Variants in IFT122 observed in about 807,000 individuals in gnomAD.
IFT122 encodes the protein intraflagellar transport 122.
In IFT122, 118 loss-of-function variants were observed where a neutral mutation model predicts 161.6. That is an observed-to-expected ratio of 0.73 (90% CI 0.63 to 0.85). IFT122 has a LOEUF of 0.85. Ranked by LOEUF, IFT122 falls within the 40% of genes least tolerant of loss-of-function variation. IFT122 has a pLI of 0.00. For missense variants in IFT122, 1,381 were observed against 1,579.6 expected, an observed-to-expected ratio of 0.87 and a Z score of 2.13; for synonymous variants, 550 against 602.4, an observed-to-expected ratio of 0.91 and a Z score of 1.27.
At chr3:129,488,012 A>AAGG (rs2079522779) in intron 15 of IFT122, 2 of 585,502 alleles carry the variant, frequency 3.4e-6, no homozygotes, top group South Asian at 3.8e-5. Context: ...TGTAGGTGGG[A>AAGG]AGGAGGGGAG....
intron 5 of IFT122, chr3:129,461,546 G>T (rs2076215753): frequency 1.9e-6 from 1 of 535,348 alleles, no homozygotes; most frequent in South Asian, 2.0e-5. Flanking sequence ...AAAGGAAATG[G>T]TAACAAGATT....
chr3:129,481,552 A>G lies in IFT122; in HGVS notation c.1511A>G (p.Asn504Ser), dbSNP rs755244741. ...NGQILKIFVD[N>S]LFAIVLLKQA... ...CAGATCCTGAAGATCTTCGTGGACA[A>G]TCTCTTTGCTATCGTCCTGCTGAAG... Residue 504 changes from asparagine (N) to serine (S), a missense_variant, in exon 14 of 30, where the codon AAT becomes AGT. By Grantham distance (46) the Asn-to-Ser change is conservative. This residue lies in a region of IFT122 where 544 missense variants were observed against 648.0 expected (regional missense o/e 0.84). Transcript: ENST00000348417. The G allele has an allele frequency of 3.2e-6, 5 of 1,586,140 alleles. No individual in the cohort carries two copies. Among genetic ancestry groups the G allele is most frequent in the Admixed American group, 1.7e-5 (1 of 59,952 alleles).
In IFT122 at chr3:129,514,797, C is replaced by G. The variant is rs190441762; in HGVS notation, c.3153+243C>G. ...GCCCCGGCCTCAGCCCTCAGCCTGG[C>G]CTCCCTTGCTCCTTGCCCTCCCCTA... On this transcript the variant is annotated intron_variant, in intron 25 of 29. Coordinates refer to ENST00000348417, the MANE Select transcript of IFT122 (RefSeq NM_052989.3). 6.6e-4 allele frequency: 400 copies of G among 608,786 alleles called. 2 individuals are homozygous for G. Among genetic ancestry groups the G allele is most frequent in the East Asian group, 2.9e-3 (101 of 34,434 alleles). The allele number at this position is 608,786 out of a possible 1,614,324, so 37.7% of individuals were successfully genotyped here.
At chr3:129,516,044 G>T (rs1324264833) in intron 26 of IFT122, among the ~76,000 whole-genome samples, 1 of 139,382 alleles carries the variant, frequency 7.2e-6, no homozygotes, top group Admixed American at 7.2e-5. Flanking sequence ...TACAGAAACT[G>T]CCCCTGCACA....
chr3:129,485,062 T>G (rs1387330822), intron 15 of IFT122, among the ~76,000 whole-genome samples: 7 of 152,252 alleles, frequency 4.6e-5, no homozygotes, highest in Non-Finnish European at 1.5e-5. Context: ...TATTGTGTCT[T>G]GTGGATGTTC....
In IFT122 at chr3:129,476,754, A is replaced by G; in HGVS notation, c.1100A>G (p.Asp367Gly). The change falls in exon 11 of 30, where the codon GAT (aspartate) becomes GGT (glycine). Residue 367 changes from aspartate (D) to glycine (G), a missense_variant. Transcript: ENST00000348417. ...TACAAGGACCGCTATGCCTACAGGGATAGCATGACTGACGTCATTGTGCAG... is the reference window on the plus strand; with the variant it reads ...TACAAGGACCGCTATGCCTACAGGGGTAGCATGACTGACGTCATTGTGCAG... Reference protein sequence around the residue: ...GLYKDRYAYRDSMTDVIVQHL... With the variant: ...GLYKDRYAYRGSMTDVIVQHL... 1 of 1,614,218 alleles carries G rather than the reference A, an allele frequency of 6.2e-7. No homozygotes were observed. The highest frequency in any genetic ancestry group is 8.5e-7 in the Non-Finnish European group (1 of 1,180,042).
Position 129,519,447 on chromosome 3 carries a change from A to G in IFT122, c.3472-121A>G, listed in dbSNP as rs553499544. 257 of 1,368,154 alleles carry G rather than the reference A, an allele frequency of 1.9e-4. 2 individuals carry two copies. The South Asian group carries it at 3.0e-3, about 16-fold the overall frequency. 84.8% of individuals were successfully genotyped at this position (1,368,154 alleles called of 1,614,324 possible). On this transcript the variant is annotated intron_variant, in intron 28 of 29. Transcript: ENST00000348417. ...GGAGGAGCTTGCCACTGTTAGGGTC[A>G]CCTGGGTTTAGGAAGCAGGTCCTCT...
At chr3:129,488,918 T>A (rs2079668383) in intron 16 of IFT122, among the ~76,000 whole-genome samples, 2 of 152,030 alleles carry the variant, frequency 1.3e-5, no homozygotes, top group African/African-American at 4.8e-5. Context: ...ATGGCGGGAT[T>A]CATGGACTTG....
chr3:129,483,377 A>G, intron 14 of IFT122, 108 bp from the exon 15 acceptor site: 2 of 929,140 alleles, frequency 2.2e-6, no homozygotes, highest in Admixed American at 3.5e-5. Flanking sequence ...TCCCACTGTA[A>G]GCAATTTAGT....
intron 16 of IFT122, among the ~76,000 whole-genome samples, chr3:129,489,515 A>G (rs1280294036): frequency 1.3e-5 from 2 of 152,210 alleles, no homozygotes; most frequent in African/African-American, 4.8e-5. Context: ...TCCTCAGTGT[A>G]GGAAAGTGGA....
intron 2 of IFT122, 69 bp from the exon 3 acceptor site, chr3:129,451,839 ATAGCAG>A: frequency 8.0e-7 from 1 of 1,249,760 alleles, no homozygotes; most frequent in South Asian, 1.2e-5. Context: ...AAAAACAAAA[ATAGCAG>A]TAGCAACCCT....
chr3:129,466,892 G>A lies in IFT122; in HGVS notation c.566G>A (p.Arg189Gln), dbSNP rs769736492. The A allele has an allele frequency of 1.5e-5, 25 of 1,613,670 alleles. No individual in the cohort carries two copies. Among genetic ancestry groups the A allele is most frequent in the Non-Finnish European group, 1.9e-5 (23 of 1,179,646 alleles). Residue 189 changes from arginine to glutamine, a missense_variant and splice_region_variant, in exon 8 of 30, where the codon CGA (arginine) becomes CAA (glutamine). Transcript: ENST00000348417. ...GAACAACTACTTACTGTCTACAGCCGATGGGAGAGTTTCTGGATGAACAGA... is the reference window on the plus strand; with the variant it reads ...GAACAACTACTTACTGTCTACAGCCAATGGGAGAGTTTCTGGATGAACAGA... ...IWSICWNPSSRWESFWMNREN... is the reference protein window; with the variant it reads ...IWSICWNPSSQWESFWMNREN...
chr3:129,500,597 A>G (rs2081405928), intron 19 of IFT122, among the ~76,000 whole-genome samples: 1 of 152,108 alleles, frequency 6.6e-6, no homozygotes, highest in Non-Finnish European at 1.5e-5. Flanking sequence ...GGAACCATGG[A>G]TATCTTCTCT....
intron 16 of IFT122, among the ~76,000 whole-genome samples, chr3:129,489,195 C>T (rs528836754): frequency 3.1e-3 from 471 of 152,220 alleles, no homozygotes; most frequent in Non-Finnish European, 5.7e-3. Flanking sequence ...ACGTGATGCC[C>T]GCCTTGGGTT....
At chr3:129,504,456 CAGG>C (rs1373259977) in intron 21 of IFT122, 35 bp downstream of exon 21, 4 of 1,539,768 alleles carry the variant, frequency 2.6e-6, no homozygotes, top group Non-Finnish European at 3.6e-6. Flanking sequence ...CTAGAAGGAG[CAGG>C]AGAAGTTACT....
intron 25 of IFT122, chr3:129,515,251 T>G (rs1578168274): frequency 3.3e-6 from 2 of 610,174 alleles, no homozygotes; most frequent in East Asian, 5.6e-5. Context: ...CGTTGAGCGC[T>G]GCCTGTGCAG....
chr3:129,517,169 T>TCTGCACACACACAGAGACTGCCC (rs2084003860), intron 26 of IFT122, among the ~76,000 whole-genome samples: 2 of 109,670 alleles, frequency 1.8e-5, no homozygotes, highest in African/African-American at 3.7e-5. Context: ...GGAGACTGCC[T>TCTGCACACACACAGAGACTGCCC]CTGCACACAC....
Position 129,495,608 on chromosome 3 carries a change from G to T in IFT122, c.2208+1G>T. 1 of 1,614,164 alleles carries T rather than the reference G, an allele frequency of 6.2e-7. No individual in the cohort carries two copies. Among genetic ancestry groups the T allele is most frequent in the Non-Finnish European group, 8.5e-7 (1 of 1,180,004 alleles). ...CCTCTGCATGTTTGAGTATGCCAAGGTAACCTACCCTGTCCCAGGCCCAAG... is the reference window on the plus strand; with the variant it reads ...CCTCTGCATGTTTGAGTATGCCAAGTTAACCTACCCTGTCCCAGGCCCAAG... On this transcript the variant is annotated splice_donor_variant, in intron 18 of 29. Coordinates refer to ENST00000348417, the MANE Select transcript of IFT122 (RefSeq NM_052989.3). LOFTEE classifies it high-confidence loss of function.
At chr3:129,474,953 A>G (rs2077738938) in intron 9 of IFT122, among the ~76,000 whole-genome samples, 1 of 152,166 alleles carries the variant, frequency 6.6e-6, no homozygotes, top group African/African-American at 2.4e-5. Context: ...ACAGGAGTTC[A>G]GGACCAACCT....
Sources: allele counts gnomAD v4.1 joint callset (sites outside exome capture counted in the v4.1 genomes callset), GRCh38; gene constraint gnomAD v4.1.1; regional missense constraint gnomAD v4.1.1; transcripts MANE v1.5; gene names NCBI Gene and HGNC (gene_info 2026-07-23, HGNC 2026-07-21).